Variants in WSCD2 observed in about 807,000 individuals in gnomAD.
WSCD2 encodes the protein sialate:O-sulfotransferase 2.
In WSCD2, 28 loss-of-function variants were observed where a neutral mutation model predicts 55.7. The ratio of observed to expected loss-of-function variants is 0.50; its 90% CI spans 0.37 to 0.69. The LOEUF is 0.69. Ranked by LOEUF, WSCD2 falls within the 30% of genes least tolerant of loss-of-function variation. WSCD2 has a pLI of 0.00. For synonymous variants in WSCD2, 301 were observed against 301.9 expected (o/e 1.00, Z 0.03); for missense variants, 616 against 762.1 (o/e 0.81, Z 2.26).
chr12:108,168,572 T>C (rs1410078279), intron 1 of WSCD2, among the ~76,000 whole-genome samples: 1 of 152,248 alleles, frequency 6.6e-6, no homozygotes, highest in African/African-American at 2.4e-5. Context: ...TTTATCAGTC[T>C]CATTGTGTCT....
At chr12:108,209,167 T>C (rs1474989750) in intron 3 of WSCD2, among the ~76,000 whole-genome samples, 1 of 152,218 alleles carries the variant, frequency 6.6e-6, no homozygotes, top group Non-Finnish European at 1.5e-5. Context: ...TCCATCACTA[T>C]GAAAAATTTC....
chr12:108,185,589 A>G (rs1019007543), intron 1 of WSCD2, among the ~76,000 whole-genome samples: 3 of 152,172 alleles, frequency 2.0e-5, no homozygotes, highest in African/African-American at 7.2e-5. Flanking sequence ...TGACATTGTG[A>G]TGCGCACACA....
chr12:108,212,693 T>C lies in WSCD2; in HGVS notation c.682+2388T>C, dbSNP rs552886316. 3.6e-3 allele frequency among the ~76,000 whole-genome samples: 547 copies of C among 152,108 alleles called. 9 individuals carry two copies. Among genetic ancestry groups the C allele is most frequent in the Non-Finnish European group, 2.2e-3 (147 of 67,994 alleles). ...TTGTATTATATAATAACACTTTCAT[T>C]GGCCATGGGTGAGCTGGGGGGCTGC... On this transcript the variant is annotated intron_variant, in intron 4 of 8. Transcript: ENST00000547525.
chr12:108,226,843 T>C, intron 5 of WSCD2, 147 bp from the exon 6 acceptor site: 2 of 903,932 alleles, frequency 2.2e-6, no homozygotes, highest in Non-Finnish European at 3.2e-6. Flanking sequence ...AAGCAGGGTT[T>C]GTGGATGGAA....
rs928723255 is a variant in WSCD2, at chr12:108,129,457, G to A, written c.-1021G>A. On this transcript the variant is annotated 5_prime_UTR_variant, in exon 1 of 9. Coordinates refer to ENST00000547525, the MANE Select transcript of WSCD2 (RefSeq NM_014653.4). Reference sequence around the variant, plus strand: ...GCAGCCGGTGCCCTGCGCGCACCGGGCCCGGGCATCTCCATCCCCGGGGCG... The same window carrying A: ...GCAGCCGGTGCCCTGCGCGCACCGGACCCGGGCATCTCCATCCCCGGGGCG... 2.6e-5 allele frequency: 4 copies of A among 151,484 alleles called. No homozygotes were observed. The highest frequency in any genetic ancestry group is 5.9e-5 in the Non-Finnish European group (4 of 67,818). 9.4% of individuals were successfully genotyped at this position (151,484 alleles called of 1,614,324 possible).
intron 4 of WSCD2, among the ~76,000 whole-genome samples, chr12:108,215,351 C>G (rs1398611964): frequency 6.6e-6 from 1 of 152,206 alleles, no homozygotes; most frequent in East Asian, 1.9e-4. Context: ...TTCTAGGCGT[C>G]TGGTGCTTCG....
intron 4 of WSCD2, among the ~76,000 whole-genome samples, chr12:108,223,132 C>G (rs1887711003): frequency 6.6e-6 from 1 of 152,184 alleles, no homozygotes; most frequent in South Asian, 2.1e-4. Context: ...TATCAAGGGT[C>G]ATTTCCTCTA....
rs1890262304 is a variant in WSCD2, at chr12:108,248,762, T to A, written c.*419T>A. The A allele has an allele frequency of 1.0e-6, 1 of 997,128 alleles. No individual in the cohort carries two copies. The highest frequency in any genetic ancestry group is 4.5e-5 in the South Asian group (1 of 22,256). 61.8% of individuals were successfully genotyped at this position (997,128 alleles called of 1,614,324 possible). On this transcript the variant is annotated 3_prime_UTR_variant, in exon 9 of 9. Transcript: ENST00000547525. The surrounding 1 kb of genome is among the most constrained non-coding windows in gnomAD (Gnocchi z 4.3). ...GCTATTGTAAAAACTTGGCCCCAGA[T>A]GCTTGTCCCTTCTGGGCTGAGATTT...
chr12:108,238,386 A>G (rs1260759366), intron 7 of WSCD2, among the ~76,000 whole-genome samples: 3 of 152,228 alleles, frequency 2.0e-5, no homozygotes, highest in Non-Finnish European at 2.9e-5. Flanking sequence ...CTCAGTGGCC[A>G]TGTGAGAAAG....
intron 1 of WSCD2, among the ~76,000 whole-genome samples, chr12:108,139,007 G>A (rs1876507600): frequency 6.6e-6 from 1 of 152,160 alleles, no homozygotes; most frequent in Non-Finnish European, 1.5e-5. Flanking sequence ...CACCAAGGTG[G>A]GACTGGTGCA....
At chr12:108,133,128 A>G (rs570396788) in intron 1 of WSCD2, among the ~76,000 whole-genome samples, 3 of 152,176 alleles carry the variant, frequency 2.0e-5, no homozygotes, top group South Asian at 4.2e-4. Context: ...CTCGACATAT[A>G]CACAGGTGTT....
chr12:108,233,462 A>G (rs1259725922), intron 7 of WSCD2, among the ~76,000 whole-genome samples: 1 of 152,232 alleles, frequency 6.6e-6, no homozygotes, highest in Non-Finnish European at 1.5e-5. Flanking sequence ...TGGAGCACCA[A>G]CTGTGTGTGA....
chr12:108,227,116 A>T lies in WSCD2; in HGVS notation c.931A>T (p.Ser311Cys). 1 of 1,614,172 alleles carries T rather than the reference A, an allele frequency of 6.2e-7. No homozygotes were observed. Among genetic ancestry groups the T allele is most frequent in the Non-Finnish European group, 8.5e-7 (1 of 1,179,996 alleles). The change falls in exon 6 of 9, where the codon AGC (serine) becomes TGC (cysteine). Residue 311 changes from serine to cysteine, a missense_variant. Around this residue, in one of 3 missense-constraint regions of WSCD2, gnomAD observed 374 missense variants for 467.4 expected, o/e 0.80. Transcript: ENST00000547525. ...AQKCSAEEFE[S>C]CGTPSYFIVY... is the part of the protein sequence containing the mutation. Reference sequence around the variant, plus strand: ...GAAGTGCAGCGCGGAGGAGTTTGAGAGCTGCGGGACTCCTAGTTACTTCAT... The same window carrying T: ...GAAGTGCAGCGCGGAGGAGTTTGAGTGCTGCGGGACTCCTAGTTACTTCAT...
chr12:108,156,907 G>T (rs983051422), intron 1 of WSCD2, among the ~76,000 whole-genome samples: 1 of 152,166 alleles, frequency 6.6e-6, no homozygotes, highest in Non-Finnish European at 1.5e-5. Context: ...TGCCCACATT[G>T]GTATTTCTGG....
At chr12:108,199,743 G>A (rs1017940556) in intron 2 of WSCD2, among the ~76,000 whole-genome samples, 9 of 152,160 alleles carry the variant, frequency 5.9e-5, no homozygotes, top group Admixed American at 4.6e-4. Context: ...CATCTTACAG[G>A]AGGGAAAGTC....
In WSCD2 at chr12:108,152,450, G is replaced by A. The variant is rs554172313; in HGVS notation, c.-552+22524G>A. 6.6e-5 allele frequency among the ~76,000 whole-genome samples: 10 copies of A among 152,290 alleles called. 1 individual carries two copies. In the South Asian group the frequency reaches 2.1e-3, roughly 32 times the overall value. On this transcript the variant is annotated intron_variant, in intron 1 of 8. Coordinates refer to ENST00000547525, the MANE Select transcript of WSCD2 (RefSeq NM_014653.4). The stretch of plus-strand genomic sequence containing the variant: ...GCGCTGGACACAATCAGAAACCCAC[G>A]ATGTGGCCAGAGAAATACAGGGTCG...
chr12:108,161,921 GACCCCTCAC>G (rs2136941618), intron 1 of WSCD2, among the ~76,000 whole-genome samples: 1 of 152,296 alleles, frequency 6.6e-6, no homozygotes, highest in East Asian at 1.9e-4. Flanking sequence ...TAACGAATGA[GACCCCTCAC>G]ATGCAGATTT....
Position 108,227,180 on chromosome 12 carries a change from C to T in WSCD2, c.979+16C>T. ...CAAGTCCAAGGTGAGCTAGGCCCTT[C>T]CCCAGTGGACCCCAGATGCACTCCC... On this transcript the variant is annotated intron_variant, in intron 6 of 8. Coordinates refer to ENST00000547525, the MANE Select transcript of WSCD2 (RefSeq NM_014653.4). 6.2e-7 allele frequency: 1 copy of T among 1,603,458 alleles called. No homozygotes were observed.
intron 4 of WSCD2, among the ~76,000 whole-genome samples, chr12:108,211,677 A>G (rs1886200699): frequency 6.7e-6 from 1 of 149,910 alleles, no homozygotes; most frequent in African/African-American, 2.4e-5. Flanking sequence ...TTTTTGAGAC[A>G]GAGCCTCACA....
Sources: allele counts gnomAD v4.1 joint callset (sites outside exome capture counted in the v4.1 genomes callset), GRCh38; gene constraint gnomAD v4.1.1; regional missense constraint gnomAD v4.1.1; non-coding constraint Gnocchi (gnomAD v3.1); transcripts MANE v1.5; gene names NCBI Gene and HGNC (gene_info 2026-07-23, HGNC 2026-07-21).